The following ITGB1 variants were observed in gnomAD, a reference collection of about 807,000 sequenced individuals.
ITGB1 encodes the protein integrin subunit beta 1.
ITGB1 carries 24 observed loss-of-function variants against 86.5 expected under a neutral mutation model. The observed-to-expected ratio is 0.28, with a 90% CI of 0.20 to 0.39. ITGB1 has a LOEUF of 0.39. ITGB1 is among the 10% of genes least tolerant of loss of function. ITGB1 has a pLI of 1.00. For missense variants in ITGB1, 556 were observed against 946.9 expected (o/e 0.59, Z 5.42); for synonymous variants, 323 against 316.8 (o/e 1.02, Z -0.21).
chr10:32,920,442 A>G (rs980718639), intron 9 of ITGB1, 57 bp from the exon 10 acceptor site: 84 of 1,490,532 alleles, frequency 5.6e-5, no homozygotes, highest in Non-Finnish European at 7.7e-5. Context: ...ACTTGAATGC[A>G]TAAAACCAAT....
chr10:32,951,069 C>G (rs548456535), intron 1 of ITGB1, among the ~76,000 whole-genome samples: 13 of 152,138 alleles, frequency 8.5e-5, no homozygotes, highest in African/African-American at 2.9e-4. Flanking sequence ...AGCCTGGAAA[C>G]TTAACACCTA....
chr10:32,927,676 C>T (rs1171881348), intron 5 of ITGB1, among the ~76,000 whole-genome samples: 1 of 152,114 alleles, frequency 6.6e-6, no homozygotes, highest in African/African-American at 2.4e-5. Flanking sequence ...TGCCTGTAAT[C>T]CCAGCTACTC....
In ITGB1 at chr10:32,943,930, A is replaced by G. The variant is rs1007913118; in HGVS notation, c.1-8372T>C. 2.0e-5 allele frequency among the ~76,000 whole-genome samples: 3 copies of G among 152,234 alleles called. No homozygotes were observed. The South Asian group carries it at 6.2e-4, about 32-fold the overall frequency. ...TAGAAAGTCTGTCCAGTGAAAGTCA[A>G]CGGGGAAATGGATCAACTCCAGTTG... is the stretch of plus-strand genomic sequence containing the variant. On this transcript the variant is annotated intron_variant, in intron 1 of 15. Transcript: ENST00000302278.
rs11009142 is a variant in ITGB1, at chr10:32,916,614, C to T, written c.1469+3271G>A. ...TAACTGCTTCAAAGAGAATAAAATACCTAGGAATACAACCTACAAGGGATG... is the reference window on the plus strand; with the variant it reads ...TAACTGCTTCAAAGAGAATAAAATATCTAGGAATACAACCTACAAGGGATG... On this transcript the variant is annotated intron_variant, in intron 11 of 15. Coordinates refer to ENST00000302278, the MANE Select transcript of ITGB1 (RefSeq NM_002211.4). Among the ~76,000 whole-genome samples, 861 of 152,176 alleles carry T rather than the reference C, an allele frequency of 5.7e-3. 12 individuals carry two copies. Among genetic ancestry groups the T allele is most frequent in the African/African-American group, 0.02 (830 of 41,526 alleles).
intron 1 of ITGB1, among the ~76,000 whole-genome samples, chr10:32,956,684 G>A (rs2095052967): frequency 6.6e-6 from 1 of 152,064 alleles, no homozygotes; most frequent in Non-Finnish European, 1.5e-5. Context: ...CTCCAGCCTG[G>A]GCAACAGAGA....
chr10:32,937,522 C>T (rs1170968099), intron 1 of ITGB1, among the ~76,000 whole-genome samples: 2 of 135,744 alleles, frequency 1.5e-5, no homozygotes, highest in Non-Finnish European at 3.0e-5. Flanking sequence ...CGCCACTGTA[C>T]TCTAGCCTGG....
intron 2 of ITGB1, among the ~76,000 whole-genome samples, chr10:32,934,632 T>C (rs2094994944): frequency 6.6e-6 from 1 of 152,246 alleles, no homozygotes; most frequent in African/African-American, 2.4e-5. Context: ...TATCAATTCA[T>C]TGGTGAAGCC....
intron 1 of ITGB1, among the ~76,000 whole-genome samples, chr10:32,947,074 C>A (rs1435608379): frequency 4.6e-5 from 7 of 152,026 alleles, no homozygotes; most frequent in Admixed American, 4.6e-4. Context: ...AACTCCTGAC[C>A]TCCAGCAATC....
At chr10:32,927,946 A>C in intron 5 of ITGB1, 148 bp downstream of exon 5, 1 of 535,444 alleles carries the variant, frequency 1.9e-6, no homozygotes, top group Non-Finnish European at 3.3e-6. Flanking sequence ...TGTGACTGGA[A>C]TATCAACTTC....
At chr10:32,910,070 A>G (rs1593854467) in intron 14 of ITGB1, among the ~76,000 whole-genome samples, 153 bp downstream of exon 14, 1 of 152,206 alleles carries the variant, frequency 6.6e-6, no homozygotes, top group East Asian at 1.9e-4. Flanking sequence ...TATACAGTTA[A>G]TTAGATAATA....
chr10:32,901,761 A>T (rs1651332345), intron 15 of ITGB1, 126 bp from the exon 16 acceptor site: 1 of 628,412 alleles, frequency 1.6e-6, no homozygotes, highest in African/African-American at 1.9e-5. Context: ...ATTTGTCCAG[A>T]TATCACAGTT....
At chr10:32,936,880 T>C (rs1366046191) in intron 1 of ITGB1, among the ~76,000 whole-genome samples, 7 of 152,192 alleles carry the variant, frequency 4.6e-5, no homozygotes, top group Admixed American at 6.5e-5. Flanking sequence ...TTAATCGTTA[T>C]TGGAAAATGT....
At chr10:32,913,048 A>T (rs2094918727) in intron 11 of ITGB1, among the ~76,000 whole-genome samples, 1 of 152,224 alleles carries the variant, frequency 6.6e-6, no homozygotes, top group South Asian at 2.1e-4. Flanking sequence ...TCAGGCAAAC[A>T]GGGTCTGGAG....
At chr10:32,904,099 A>G (rs575096151) in intron 15 of ITGB1, among the ~76,000 whole-genome samples, 2 of 152,196 alleles carry the variant, frequency 1.3e-5, no homozygotes, top group South Asian at 4.1e-4. Flanking sequence ...TTGGAGAAAA[A>G]TCTGTCTTGT....
intron 2 of ITGB1, among the ~76,000 whole-genome samples, chr10:32,933,981 C>A (rs1198326334): frequency 1.3e-5 from 2 of 152,120 alleles, no homozygotes; most frequent in Non-Finnish European, 2.9e-5. Context: ...CACATATAAA[C>A]ACCCCAAGTA....
intron 4 of ITGB1, 86 bp from the exon 5 acceptor site, chr10:32,928,350 G>C (rs374280645): frequency 1.6e-6 from 1 of 629,762 alleles, no homozygotes; most frequent in African/African-American, 1.8e-5. Flanking sequence ...TGGTTTACAC[G>C]GTAAACACAA....
At chr10:32,949,510 A>G (rs1317313592) in intron 1 of ITGB1, among the ~76,000 whole-genome samples, 1 of 152,222 alleles carries the variant, frequency 6.6e-6, no homozygotes, top group Non-Finnish European at 1.5e-5. Context: ...TTTAATTGCC[A>G]TATTTCATAA....
chr10:32,906,187 T>A (rs1337835436), intron 15 of ITGB1, among the ~76,000 whole-genome samples: 1 of 152,230 alleles, frequency 6.6e-6, no homozygotes, highest in African/African-American at 2.4e-5. Context: ...TGTAGTTGCA[T>A]ACCATACAAA....
intron 2 of ITGB1, among the ~76,000 whole-genome samples, chr10:32,934,092 AG>A (rs2094993026): frequency 6.6e-6 from 1 of 152,168 alleles, no homozygotes; most frequent in Non-Finnish European, 1.5e-5. Context: ...AAAACCTAAA[AG>A]AATAATTAAC....
Sources: gnomAD v4.1 joint callset for allele counts (sites outside exome capture counted in the v4.1 genomes callset) on GRCh38, gnomAD v4.1.1 for gene constraint, MANE v1.5 for transcripts, NCBI Gene and HGNC (gene_info 2026-07-23, HGNC 2026-07-21) for gene names.